TTYH2: variants seen among roughly 807,000 people sequenced by gnomAD.
The protein encoded by TTYH2 is protein tweety homolog 2.
TTYH2 carries 49 observed loss-of-function variants against 68.3 expected under a neutral mutation model. That is an observed-to-expected ratio of 0.72 (90% CI 0.57 to 0.91). The LOEUF (loss-of-function observed/expected upper bound fraction) is 0.91, where lower values mean the gene tolerates loss of function less well. Among genes scored for constraint, TTYH2 ranks in the 40% least tolerant of loss-of-function variants. The pLI, the probability that TTYH2 is intolerant of heterozygous loss-of-function variation, is 0.00. For missense variants in TTYH2, 631 were observed against 700.4 expected (o/e 0.90, Z 1.12); for synonymous variants, 272 against 300.8 (o/e 0.90, Z 0.99).
chr17:74,257,601 G>A (rs536785535), intron 13 of TTYH2, among the ~76,000 whole-genome samples: 8 of 152,292 alleles, frequency 5.3e-5, no homozygotes, highest in South Asian at 2.1e-4. Flanking sequence ...GTGATGTCAC[G>A]CCTGGTGATC....
At position 74,251,652 on chromosome 17, in the gene TTYH2, C is replaced by T. The variant is rs565446021; in HGVS notation, c.1117-582C>T. Among the ~76,000 whole-genome samples the T allele has an allele frequency of 3.6e-3, 499 of 139,786 alleles. 3 individuals carry two copies. Among genetic ancestry groups the T allele is most frequent in the African/African-American group, 0.012 (428 of 36,176 alleles). 91.7% of individuals were successfully genotyped at this position (139,786 alleles called of 152,430 possible). Reference sequence around the variant, plus strand: ...TCCTGCCCCTCCAGCAGACAGTGGCCTCTTCCCACTTTCTCTTGCCCCCTC... The same window carrying T: ...TCCTGCCCCTCCAGCAGACAGTGGCTTCTTCCCACTTTCTCTTGCCCCCTC... On this transcript the variant is annotated intron_variant, in intron 10 of 13. Transcript: ENST00000269346.
At position 74,239,873 on chromosome 17, in the gene TTYH2, C is replaced by T. The variant is rs893693893; in HGVS notation, c.635+2359C>T. 1.3e-5 allele frequency among the ~76,000 whole-genome samples: 2 copies of T among 152,186 alleles called. No homozygotes were observed. Among genetic ancestry groups the T allele is most frequent in the African/African-American group, 4.8e-5 (2 of 41,450 alleles). On this transcript the variant is annotated intron_variant, in intron 4 of 13. Transcript: ENST00000269346. The surrounding 1 kb of genome is among the most constrained non-coding windows in gnomAD (Gnocchi z 5.3). ...ATGGGCCATTCATTGCCTGAGCCTT[C>T]GAAATCTTATGTCAGGCAGGGGCAG...
intron 2 of TTYH2, among the ~76,000 whole-genome samples, chr17:74,223,285 TGGG>T (rs1555597190): frequency 8.5e-6 from 1 of 117,734 alleles, no homozygotes; most frequent in African/African-American, 3.5e-5. Context: ...GCTTTTTTTT[TGGG>T]GGGCGGGGGG....
At chr17:74,255,162 C>A (rs1040138971) in intron 13 of TTYH2, among the ~76,000 whole-genome samples, 3 of 152,286 alleles carry the variant, frequency 2.0e-5, no homozygotes, top group African/African-American at 7.2e-5. Flanking sequence ...GGGACACGGA[C>A]TCCAGTGCCA....
Position 74,244,109 on chromosome 17 carries a change from T to G in TTYH2, c.804+60T>G, listed in dbSNP as rs954146336. 3.5e-5 allele frequency: 53 copies of G among 1,533,266 alleles called. 1 individual carries two copies. The South Asian group carries it at 5.7e-4, about 16-fold the overall frequency. The allele number at this position is 1,533,266 out of a possible 1,614,324, so 95.0% of individuals were successfully genotyped here. A position where few individuals can be genotyped will look rare whatever the true frequency, so the allele number is the denominator to read the frequency against. On this transcript the variant is annotated intron_variant, in intron 6 of 13. Coordinates refer to ENST00000269346, the MANE Select transcript of TTYH2 (RefSeq NM_032646.6). The stretch of plus-strand genomic sequence containing the variant: ...GTTGGTCTGCCAGGACACTCTGGTG[T>G]GTCTCCAAGCAGGGCCAGCTTCCGG...
At chr17:74,229,111 C>A (rs1476138944) in intron 2 of TTYH2, among the ~76,000 whole-genome samples, 1 of 152,108 alleles carries the variant, frequency 6.6e-6, no homozygotes, top group Non-Finnish European at 1.5e-5. Flanking sequence ...GTTGGGAGTT[C>A]ACAGTGGAAG....
chr17:74,238,741 C>T (rs1331930993), intron 4 of TTYH2, among the ~76,000 whole-genome samples: 2 of 151,836 alleles, frequency 1.3e-5, no homozygotes, highest in Non-Finnish European at 2.9e-5. Context: ...GTGGCGCATG[C>T]CTGTAATCCC....
rs1187710566 is a variant in TTYH2, at chr17:74,252,331, C to T, written c.1214C>T (p.Thr405Ile). The T allele has an allele frequency of 1.2e-6, 2 of 1,614,000 alleles. No homozygotes were observed. The highest frequency in any genetic ancestry group is 3.3e-5 in the Admixed American group (2 of 60,032). Residue 405 changes from threonine (T) to isoleucine (I), a missense_variant, in exon 11 of 14, where the codon ACC becomes ATC. Physicochemically the swap from Thr to Ile is moderately conservative, Grantham distance 89. Coordinates refer to ENST00000269346, the MANE Select transcript of TTYH2 (RefSeq NM_032646.6). ...FSFLAALAFS[T>I]MICAGPRAWK... ...TTCCTGGCCGCCCTCGCCTTCTCCA[C>T]CATGATCTGTGCAGGGCCAAGGGCC...
intron 2 of TTYH2, among the ~76,000 whole-genome samples, chr17:74,227,949 G>A (rs1423582152): frequency 6.6e-6 from 1 of 150,470 alleles, no homozygotes. Context: ...AGGAGTTGAG[G>A]GCGCCCTGGA....
chr17:74,251,890 C>T (rs982142805), intron 10 of TTYH2: 2 of 297,428 alleles, frequency 6.7e-6, no homozygotes, highest in Middle Eastern at 1.0e-3. Flanking sequence ...CCCCTTTGCC[C>T]CCTCTTCTCA....
rs1263699996 is a variant in TTYH2 at position 74,260,353 on chromosome 17, A to T, written c.*144A>T. Reference sequence around the variant, plus strand: ...GGCAGAGGAGCAGCTGGGATTCCCGACCAAAGCCCCAGGGGGTGCAGAAGA... The same window carrying T: ...GGCAGAGGAGCAGCTGGGATTCCCGTCCAAAGCCCCAGGGGGTGCAGAAGA... On this transcript the variant is annotated 3_prime_UTR_variant, in exon 14 of 14. Transcript: ENST00000269346. 4.1e-5 allele frequency: 33 copies of T among 810,026 alleles called. No homozygotes were observed. In the East Asian group the frequency reaches 7.6e-4, roughly 19 times the overall value. The allele number at this position is 810,026 out of a possible 1,614,324, so 50.2% of individuals were successfully genotyped here. A position where few individuals can be genotyped will look rare whatever the true frequency, so the allele number is the denominator to read the frequency against.
Position 74,241,980 on chromosome 17 carries a change from G to C in TTYH2, c.636-1394G>C, listed in dbSNP as rs2050506000. On this transcript the variant is annotated intron_variant, in intron 4 of 13. Transcript: ENST00000269346. This position sits in a 1 kb window ranked among gnomAD's most constrained non-coding sequence, Gnocchi z 4.1. ...TTAAGATACTTTGATTCTTCAGCCTGTTCTCTGGAGAAGCAGGAGGGCAGG... is the reference window on the plus strand; with the variant it reads ...TTAAGATACTTTGATTCTTCAGCCTCTTCTCTGGAGAAGCAGGAGGGCAGG... 6.6e-6 allele frequency among the ~76,000 whole-genome samples: 1 copy of C among 152,236 alleles called. No homozygotes were observed. Among genetic ancestry groups the C allele is most frequent in the Non-Finnish European group, 1.5e-5 (1 of 68,036 alleles).
intron 1 of TTYH2, among the ~76,000 whole-genome samples, chr17:74,221,743 A>C (rs1440189674): frequency 6.6e-6 from 1 of 152,152 alleles, no homozygotes; most frequent in Non-Finnish European, 1.5e-5. Context: ...CGGCCCCCTC[A>C]GAATTCTGGC....
At chr17:74,250,102 G>A (rs2050605128) in intron 9 of TTYH2, 74 bp downstream of exon 9, 1 of 1,559,764 alleles carries the variant, frequency 6.4e-7, no homozygotes, top group African/African-American at 1.4e-5. Context: ...CGGCCCCAGG[G>A]CCAGGCTGTG....
At chr17:74,249,824 G>C in intron 8 of TTYH2, 112 bp from the exon 9 acceptor site, 8 of 1,260,112 alleles carry the variant, frequency 6.3e-6, no homozygotes, top group African/African-American at 1.5e-5. Flanking sequence ...GGGGTGGGAG[G>C]GGCAGGAGCA....
At position 74,237,406 on chromosome 17, in the gene TTYH2, A is replaced by C; in HGVS notation, c.527A>C (p.Gln176Pro). The change falls in exon 4 of 14, where the codon CAG becomes CCG. Residue 176 changes from glutamine to proline, a missense_variant. Coordinates refer to ENST00000269346, the MANE Select transcript of TTYH2 (RefSeq NM_032646.6). Reference protein sequence around the residue: ...DYLQTLKFIQQMAGSVVVQLS... With the variant: ...DYLQTLKFIQPMAGSVVVQLS... The stretch of plus-strand genomic sequence containing the variant: ...CTGCAGACCCTGAAGTTCATACAGC[A>C]GATGGCGGGCAGCGTTGTTGTTCAG... 3 of 1,614,174 alleles carry C rather than the reference A, an allele frequency of 1.9e-6. No homozygotes were observed. The highest frequency in any genetic ancestry group is 2.5e-6 in the Non-Finnish European group (3 of 1,180,020).
intron 4 of TTYH2, among the ~76,000 whole-genome samples, chr17:74,237,843 C>T (rs986898298): frequency 6.6e-6 from 1 of 152,130 alleles, no homozygotes; most frequent in Non-Finnish European, 1.5e-5. Context: ...GTTGGCCAGG[C>T]TAGTCTCTCG....
rs751760067 is a variant in TTYH2, at chr17:74,215,760, C to A, written c.129+2044C>A. The stretch of plus-strand genomic sequence containing the variant: ...CAGGTCTCTCCTGGATGTCTTCTTT[C>A]CTCCTGAGCACCAGTCACTAACAGA... On this transcript the variant is annotated intron_variant, in intron 1 of 13. Transcript: ENST00000269346. This position sits in a 1 kb window ranked among gnomAD's most constrained non-coding sequence, Gnocchi z 4.3. The A allele has an allele frequency of 6.6e-7, 1 of 1,509,372 alleles. No individual in the cohort carries two copies. The allele number at this position is 1,509,372 out of a possible 1,614,324, so 93.5% of individuals were successfully genotyped here. A position where few individuals can be genotyped will look rare whatever the true frequency, so the allele number is the denominator to read the frequency against.
At chr17:74,238,630 G>T (rs1277981872) in intron 4 of TTYH2, among the ~76,000 whole-genome samples, 3 of 152,198 alleles carry the variant, frequency 2.0e-5, no homozygotes, top group Non-Finnish European at 2.9e-5. Flanking sequence ...ACTTTGGGAG[G>T]CCAAGGCAGG....
Sources: gnomAD v4.1 joint callset for allele counts (sites outside exome capture counted in the v4.1 genomes callset) on GRCh38, gnomAD v4.1.1 for gene constraint, Gnocchi (gnomAD v3.1) non-coding constraint, MANE v1.5 for transcripts, NCBI Gene and HGNC (gene_info 2026-07-23, HGNC 2026-07-21) for gene names.